PTPN6: variants seen among roughly 807,000 people sequenced by gnomAD.
PTPN6 encodes the protein protein tyrosine phosphatase non-receptor type 6.
In PTPN6, 18 loss-of-function variants were observed where a neutral mutation model predicts 81.5. The observed-to-expected ratio is 0.22, with a 90% CI of 0.15 to 0.33. The LOEUF (loss-of-function observed/expected upper bound fraction) is 0.33. PTPN6 is among the 10% of genes least tolerant of loss of function. The pLI is 1.00. For synonymous variants in PTPN6, 301 were observed against 310.9 expected (o/e 0.97, Z 0.33); for missense variants, 500 against 794.2 (o/e 0.63, Z 4.45).
In PTPN6 at chr12:6,956,395, G is replaced by C. The variant is rs1555148684; in HGVS notation, c.925-24G>C. 6.2e-7 allele frequency: 1 copy of C among 1,614,142 alleles called. No individual in the cohort carries two copies. Among genetic ancestry groups the C allele is most frequent in the Admixed American group, 1.7e-5 (1 of 60,034 alleles). On this transcript the variant is annotated intron_variant, in intron 8 of 15. Transcript: ENST00000318974. This position sits in a 1 kb window ranked among gnomAD's most constrained non-coding sequence, Gnocchi z 4.1. Reference sequence around the variant, plus strand: ...GCCAAGGGGCTCACTGTCTTGGGGTGCGTCTCTCCACGCTTGCGTCCAGAA... The same window carrying C: ...GCCAAGGGGCTCACTGTCTTGGGGTCCGTCTCTCCACGCTTGCGTCCAGAA...
chr12:6,960,847 A>G lies in PTPN6; in HGVS notation c.1715A>G (p.Lys572Arg), dbSNP rs978237552. ...TATGAGAACCTGCACACTAAGAACAAGAGGGAGGAGAAAGTGAAGAAGCAG... is the reference window on the plus strand; with the variant it reads ...TATGAGAACCTGCACACTAAGAACAGGAGGGAGGAGAAAGTGAAGAAGCAG... ...DVYENLHTKN[K>R]REEKVKKQRS... Residue 572 changes from lysine to arginine, a missense_variant, in exon 15 of 16, where the codon AAG (lysine) becomes AGG (arginine). Lys to Arg is a conservative substitution (Grantham distance 26). Coordinates refer to ENST00000318974, the MANE Select transcript of PTPN6 (RefSeq NM_002831.6). This position sits in a 1 kb window ranked among gnomAD's most constrained non-coding sequence, Gnocchi z 6.1. 6.3e-7 allele frequency: 1 copy of G among 1,579,796 alleles called. No individual in the cohort carries two copies. The highest frequency in any genetic ancestry group is 8.6e-7 in the Non-Finnish European group (1 of 1,162,186).
chr12:6,955,879 C>G lies in PTPN6; in HGVS notation c.844+123C>G. On this transcript the variant is annotated intron_variant, in intron 7 of 15. Transcript: ENST00000318974. The surrounding 1 kb of genome is among the most constrained non-coding windows in gnomAD (Gnocchi z 7.2). Reference sequence around the variant, plus strand: ...CATCTCCCCACACCCCCCACAGAGCCTCCCCCTTCTCCAAAAGGCCTCTAC... The same window carrying G: ...CATCTCCCCACACCCCCCACAGAGCGTCCCCCTTCTCCAAAAGGCCTCTAC... 1 of 953,806 alleles carries G rather than the reference C, an allele frequency of 1.0e-6. No individual in the cohort carries two copies. Among genetic ancestry groups the G allele is most frequent in the Admixed American group, 2.0e-5 (1 of 50,222 alleles). The allele number at this position is 953,806 out of a possible 1,614,324, so 59.1% of individuals were successfully genotyped here.
chr12:6,948,274 C>T (rs10774452), upstream of PTPN6, among the ~76,000 whole-genome samples: 122,998 of 151,770 alleles, frequency 0.81, 52,144 homozygotes, highest in East Asian at 0.98. Context: ...ACGACTACTA[C>T]TACTACTAAT....
At chr12:6,950,788 G>C (rs1424643335), upstream of PTPN6, among the ~76,000 whole-genome samples, 1 of 152,186 alleles carries the variant, frequency 6.6e-6, no homozygotes, top group Non-Finnish European at 1.5e-5. Context: ...CTTTGGAACC[G>C]GACTGTCTGG....
rs1436387326 is a variant in PTPN6, at chr12:6,958,401, C to T, written c.1361+328C>T. The stretch of plus-strand genomic sequence containing the variant: ...TAGTCAGGGCAAGGCCGGGCAGGCA[C>T]CCACAGTAGGCCTGTGTCCCGGCTG... On this transcript the variant is annotated intron_variant, in intron 11 of 15. Transcript: ENST00000318974. Among the ~76,000 whole-genome samples the T allele has an allele frequency of 2.5e-4, 38 of 152,364 alleles. 1 individual carries two copies. The highest frequency in any genetic ancestry group is 7.7e-4 in the East Asian group (4 of 5,188).
At chr12:6,949,068 C>T (rs1284022504), upstream of PTPN6, among the ~76,000 whole-genome samples, 2 of 152,206 alleles carry the variant, frequency 1.3e-5, no homozygotes, top group African/African-American at 4.8e-5. Flanking sequence ...TGCCCCTGCC[C>T]CAGTGCACAT....
chr12:6,957,171 A>C lies in PTPN6; in HGVS notation c.1075-483A>C, dbSNP rs749114030. 1.2e-3 allele frequency among the ~76,000 whole-genome samples: 181 copies of C among 152,192 alleles called. No homozygotes were observed. Among genetic ancestry groups the C allele is most frequent in the Admixed American group, 2.9e-3 (44 of 15,300 alleles). On this transcript the variant is annotated intron_variant, in intron 9 of 15. Transcript: ENST00000318974. The surrounding 1 kb of genome is among the most constrained non-coding windows in gnomAD (Gnocchi z 6.5). ...GCTAGGAAATGACTCTCTCCACACTATCTCTGCCTGGCAGATGCCTCGTTT... is the reference window on the plus strand; with the variant it reads ...GCTAGGAAATGACTCTCTCCACACTCTCTCTGCCTGGCAGATGCCTCGTTT...
rs1323034564 is a variant in PTPN6 at position 6,951,449 on chromosome 12, G to A, written c.-64G>A. The A allele has an allele frequency of 6.2e-7, 1 of 1,608,652 alleles. No homozygotes were observed. The highest frequency in any genetic ancestry group is 1.3e-5 in the African/African-American group (1 of 74,762). On this transcript the variant is annotated 5_prime_UTR_variant, in exon 1 of 16. Transcript: ENST00000318974. The surrounding 1 kb of genome is among the most constrained non-coding windows in gnomAD (Gnocchi z 7.2). ...CTGAGGCTTAGTCCCTGAGCTCTCTGCCTGCCCAGACTAGCTGCACCTCCT... is the reference window on the plus strand; with the variant it reads ...CTGAGGCTTAGTCCCTGAGCTCTCTACCTGCCCAGACTAGCTGCACCTCCT...
Position 6,952,272 on chromosome 12 carries a change from C to T in PTPN6, c.326+95C>T. ...GCAGGGAGACTGGCAGCCGGCGCTG[C>T]CTACCCTCCATCCCCTCCCCTCCCT... On this transcript the variant is annotated intron_variant, in intron 3 of 15. Coordinates refer to ENST00000318974, the MANE Select transcript of PTPN6 (RefSeq NM_002831.6). The surrounding 1 kb of genome is among the most constrained non-coding windows in gnomAD (Gnocchi z 8.1). 1.4e-6 allele frequency: 2 copies of T among 1,466,944 alleles called. No individual in the cohort carries two copies. The highest frequency in any genetic ancestry group is 3.4e-5 in the Admixed American group (2 of 59,222). The allele number at this position is 1,466,944 out of a possible 1,614,324, so 90.9% of individuals were successfully genotyped here. A position where few individuals can be genotyped will look rare whatever the true frequency, so the allele number is the denominator to read the frequency against.
Position 6,956,128 on chromosome 12 carries a change from C to T in PTPN6, c.845-14C>T. On this transcript the variant is annotated splice_polypyrimidine_tract_variant and intron_variant, in intron 7 of 15. Coordinates refer to ENST00000318974, the MANE Select transcript of PTPN6 (RefSeq NM_002831.6). This position sits in a 1 kb window ranked among gnomAD's most constrained non-coding sequence, Gnocchi z 4.1. ...TAACCCAGACCATCTCGCCTCCTCT[C>T]CGCCCACTCCCAGTTGACCACAGCC... 2 of 1,614,116 alleles carry T rather than the reference C, an allele frequency of 1.2e-6. No individual in the cohort carries two copies. The highest frequency in any genetic ancestry group is 4.5e-5 in the East Asian group (2 of 44,886).
chr12:6,948,333 G>A (rs1555147147), upstream of PTPN6, among the ~76,000 whole-genome samples: 1 of 151,792 alleles, frequency 6.6e-6, no homozygotes, highest in Admixed American at 6.6e-5. Flanking sequence ...TTACTTGGAA[G>A]GCTGAGGCAG....
At chr12:6,950,401 A>C (rs1945903673), upstream of PTPN6, among the ~76,000 whole-genome samples, 1 of 152,044 alleles carries the variant, frequency 6.6e-6, no homozygotes, top group African/African-American at 2.4e-5. Flanking sequence ...AGGCAGCATC[A>C]TATACCTTAG....
At chr12:6,947,219 G>T (rs782754882), upstream of PTPN6, among the ~76,000 whole-genome samples, 20 of 152,304 alleles carry the variant, frequency 1.3e-4, no homozygotes, top group South Asian at 4.1e-3. Context: ...CATCTATTAT[G>T]CACCAGGTGC....
Position 6,951,484 on chromosome 12 carries a change from C to T in PTPN6, c.-29C>T, listed in dbSNP as rs371595452. 1.5e-5 allele frequency: 24 copies of T among 1,613,586 alleles called. No homozygotes were observed. Among genetic ancestry groups the T allele is most frequent in the African/African-American group, 5.3e-5 (4 of 74,906 alleles). On this transcript the variant is annotated 5_prime_UTR_variant, in exon 1 of 16. Coordinates refer to ENST00000318974, the MANE Select transcript of PTPN6 (RefSeq NM_002831.6). This position sits in a 1 kb window ranked among gnomAD's most constrained non-coding sequence, Gnocchi z 7.2. ...ACTAGCTGCACCTCCTCATTCCCTG[C>T]GCCCCCTTCCTCTCCGGAAGCCCCC...
At chr12:6,951,192 C>G, upstream of PTPN6, 1 of 1,373,458 alleles carries the variant, frequency 7.3e-7, no homozygotes, top group Non-Finnish European at 9.5e-7. The surrounding 1 kb of genome is among the most constrained non-coding windows in gnomAD (Gnocchi z 7.2). Flanking sequence ...GCTCCTGAGC[C>G]TTTGATTGCA....
upstream of PTPN6, chr12:6,946,843 G>A: frequency 1.6e-6 from 2 of 1,276,560 alleles, no homozygotes; most frequent in South Asian, 2.5e-5. Flanking sequence ...AGTGCGATCT[G>A]CCGCTGCCCT....
At chr12:6,949,880 C>G (rs1681984609), upstream of PTPN6, among the ~76,000 whole-genome samples, 1 of 144,410 alleles carries the variant, frequency 6.9e-6, no homozygotes, top group African/African-American at 2.6e-5. Context: ...GTGGCATGAT[C>G]TCGGCTCACT....
chr12:6,957,629 T>TCGCC lies in PTPN6; in HGVS notation c.1075-24_1075-23insGCCC. 2 of 1,521,484 alleles carry TCGCC rather than the reference T, an allele frequency of 1.3e-6. No individual in the cohort carries two copies. The highest frequency in any genetic ancestry group is 1.8e-6 in the Non-Finnish European group (2 of 1,105,648). 94.2% of individuals were successfully genotyped at this position (1,521,484 alleles called of 1,614,324 possible). On this transcript the variant is annotated intron_variant, in intron 9 of 15. Transcript: ENST00000318974. This position sits in a 1 kb window ranked among gnomAD's most constrained non-coding sequence, Gnocchi z 6.5. ...CCACAGTGCCCTGCTCTGTGCCTCA[T>TCGCC]CCCCACCCGACCCTCCCTTTCCAGA...
Position 6,960,317 on chromosome 12 carries a change from A to AC in PTPN6, c.1582-25dup. 6.2e-7 allele frequency: 1 copy of AC among 1,605,294 alleles called. No individual in the cohort carries two copies. Among genetic ancestry groups the AC allele is most frequent in the Non-Finnish European group, 8.5e-7 (1 of 1,177,996 alleles). On this transcript the variant is annotated intron_variant, in intron 13 of 15. Coordinates refer to ENST00000318974, the MANE Select transcript of PTPN6 (RefSeq NM_002831.6). The surrounding 1 kb of genome is among the most constrained non-coding windows in gnomAD (Gnocchi z 6.1). ...GCCACCTGGCCCTGCTGGGACCACCACCTTCCCACTGTCCCTCTGCCCACA... is the reference window on the plus strand; with the variant it reads ...GCCACCTGGCCCTGCTGGGACCACCACCCTTCCCACTGTCCCTCTGCCCACA...
Sources: gnomAD v4.1 joint callset for allele counts (sites outside exome capture counted in the v4.1 genomes callset) on GRCh38, gnomAD v4.1.1 for gene constraint, Gnocchi (gnomAD v3.1) non-coding constraint, MANE v1.5 for transcripts, NCBI Gene and HGNC (gene_info 2026-07-23, HGNC 2026-07-21) for gene names.